POM121C: variants seen among roughly 807,000 people sequenced by gnomAD.
POM121C encodes nuclear envelope pore membrane protein POM 121C.
In POM121C, 20 loss-of-function variants were observed where a neutral mutation model predicts 66.4. The observed-to-expected ratio is 0.30, with a 90% CI of 0.21 to 0.44. The LOEUF (loss-of-function observed/expected upper bound fraction) is 0.44. POM121C is among the 20% of genes least tolerant of loss of function. The pLI, the probability that POM121C is intolerant of heterozygous loss-of-function variation, is 1.00. For missense variants in POM121C, 580 were observed against 1,225.7 expected (o/e 0.47, Z 7.87); for synonymous variants, 286 against 528.0 (o/e 0.54, Z 6.28).
chr7:75,428,703 G>C (rs1790055341), intron 7 of POM121C, among the ~76,000 whole-genome samples: 1 of 152,192 alleles, frequency 6.6e-6, no homozygotes. Flanking sequence ...AAAGGGGCCG[G>C]ATGAGGTGGC....
chr7:75,437,952 C>A (rs1790477681), intron 6 of POM121C, among the ~76,000 whole-genome samples: 1 of 152,062 alleles, frequency 6.6e-6, no homozygotes, highest in Non-Finnish European at 1.5e-5. Context: ...TGCCTGGGGA[C>A]ACGGGTGGAA....
At chr7:75,439,472 G>A (rs1563144217) in intron 5 of POM121C, among the ~76,000 whole-genome samples, 1 of 152,014 alleles carries the variant, frequency 6.6e-6, no homozygotes, top group Admixed American at 6.5e-5. Context: ...ACAAACCTCT[G>A]CCTCCCGGGT....
rs587661711 is a variant in POM121C, at chr7:75,453,353, C to G, written c.-151-11706G>C. Among the ~76,000 whole-genome samples, 7 of 150,750 alleles carry G rather than the reference C, an allele frequency of 4.6e-5. No homozygotes were observed. In the South Asian group the frequency reaches 1.1e-3, roughly 23 times the overall value. On this transcript the variant is annotated intron_variant, in intron 3 of 14. Coordinates refer to ENST00000615331, the MANE Select transcript of POM121C (RefSeq NM_001099415.3). The stretch of plus-strand genomic sequence containing the variant: ...ATCTCAGCACTTTGGGAGGCTGAGG[C>G]AGGCGGATCACCTGAGGTCCGGAGT...
At position 75,481,159 on chromosome 7, in the gene POM121C, C is replaced by G. The variant is rs587709139; in HGVS notation, c.-458+4705G>C. Among the ~76,000 whole-genome samples the G allele has an allele frequency of 9.4e-5, 14 of 149,612 alleles. No individual in the cohort carries two copies. In the East Asian group the frequency reaches 2.5e-3, roughly 27 times the overall value. On this transcript the variant is annotated intron_variant, in intron 1 of 14. Transcript: ENST00000615331. ...GTATCTGGGATTTCTTTGTAAAATC[C>G]TTGCAATTTTTCTGAAAATCTGAAA... is the stretch of plus-strand genomic sequence containing the variant.
intron 1 of POM121C, among the ~76,000 whole-genome samples, chr7:75,481,030 A>AATATATATATATATATATATAAATAT (rs201637708): frequency 2.9e-5 from 4 of 137,026 alleles, no homozygotes; most frequent in African/African-American, 1.0e-4. Flanking sequence ...TAGTTCAAAA[A>AATATATATATATATATATATAAATAT]ATATATATAT....
chr7:75,460,665 T>TA (rs1791412735), intron 3 of POM121C, among the ~76,000 whole-genome samples: 1 of 152,156 alleles, frequency 6.6e-6, no homozygotes, highest in South Asian at 2.1e-4. Flanking sequence ...GAGACATACT[T>TA]AAACAATGAA....
In POM121C at chr7:75,421,934, G is replaced by C. The variant is rs781917139; in HGVS notation, c.2318C>G (p.Ser773Trp). The change falls in exon 13 of 15, where the codon TCG (serine) becomes TGG (tryptophan). Residue 773 changes from serine to tryptophan, a missense_variant. Transcript: ENST00000615331. ...AGCCGTGGCTTTCAATCCAAACGCC[G>C]AGTGCGTGGCACCGCCAAAGGTAGG... ...IQPTFGGATHSAFGLKATASA... is the reference protein window; with the variant it reads ...IQPTFGGATHWAFGLKATASA... The C allele has an allele frequency of 5.6e-6, 9 of 1,613,370 alleles. No homozygotes were observed. Among genetic ancestry groups the C allele is most frequent in the African/African-American group, 1.3e-5 (1 of 74,958 alleles).
rs1247351833 is a variant in POM121C, at chr7:75,442,590, G to C, written c.-151-943C>G. ...GCAGCAGGCACGAGGTACAGTAGGA[G>C]GCCGACCAGCGACAGGCCGAGAAGC... On this transcript the variant is annotated intron_variant, in intron 3 of 14. Transcript: ENST00000615331. 5.4e-6 allele frequency: 8 copies of C among 1,492,786 alleles called. No homozygotes were observed. In the African/African-American group the frequency reaches 1.0e-4, roughly 19 times the overall value. The allele number at this position is 1,492,786 out of a possible 1,614,324, so 92.5% of individuals were successfully genotyped here.
intron 3 of POM121C, among the ~76,000 whole-genome samples, chr7:75,461,284 A>T (rs587723575): frequency 6.6e-6 from 1 of 152,138 alleles, no homozygotes; most frequent in Non-Finnish European, 1.5e-5. Context: ...AAATCAGCAA[A>T]CAATACAATA....
intron 3 of POM121C, among the ~76,000 whole-genome samples, chr7:75,451,279 T>A (rs1791012788): frequency 6.7e-6 from 1 of 149,604 alleles, no homozygotes; most frequent in Non-Finnish European, 1.5e-5. Flanking sequence ...CAAACTACAC[T>A]ACAAGGCTAC....
chr7:75,441,364 C>T (rs61091455), intron 4 of POM121C, 68 bp downstream of exon 4: 273,450 of 1,249,702 alleles, frequency 0.22, 39,984 homozygotes, highest in African/African-American at 0.44. Flanking sequence ...CATGTTGTCA[C>T]AGGAACAACT....
intron 3 of POM121C, among the ~76,000 whole-genome samples, chr7:75,450,734 G>A (rs1714495383): frequency 6.6e-6 from 1 of 152,224 alleles, no homozygotes; most frequent in African/African-American, 2.4e-5. Context: ...TACTACTACA[G>A]CCTTCAATGA....
chr7:75,464,972 T>C (rs1397353268), intron 3 of POM121C, among the ~76,000 whole-genome samples: 1 of 149,362 alleles, frequency 6.7e-6, no homozygotes, highest in African/African-American at 2.5e-5. Context: ...TGAAGACAGG[T>C]AGATGAAACT....
chr7:75,465,291 A>G (rs1791587930), intron 3 of POM121C, among the ~76,000 whole-genome samples: 1 of 150,848 alleles, frequency 6.6e-6, no homozygotes, highest in Non-Finnish European at 1.5e-5. Flanking sequence ...CACCGTGCCC[A>G]GCCTGAATTG....
At chr7:75,442,081 G>A in intron 3 of POM121C, 1 of 1,358,660 alleles carries the variant, frequency 7.4e-7, no homozygotes, top group South Asian at 1.7e-5. Flanking sequence ...GGATTTAAAA[G>A]TCAAGTCCTC....
rs776654031 is a variant in POM121C, at chr7:75,467,316, G to A, written c.-152+7388C>T. 1.6e-3 allele frequency among the ~76,000 whole-genome samples: 245 copies of A among 152,048 alleles called. 2 individuals carry two copies. Among genetic ancestry groups the A allele is most frequent in the Non-Finnish European group, 1.2e-3 (80 of 68,012 alleles). On this transcript the variant is annotated intron_variant, in intron 3 of 14. Coordinates refer to ENST00000615331, the MANE Select transcript of POM121C (RefSeq NM_001099415.3). ...GGAGGCTGAGGTGGGTGGATCACGA[G>A]GTCAGGAGATTGAGACCATCCTGGC...
chr7:75,424,358 G>C, intron 11 of POM121C, 133 bp from the exon 12 acceptor site: 1 of 1,181,772 alleles, frequency 8.5e-7, no homozygotes, highest in African/African-American at 1.5e-5. Context: ...CTGCTGTCCA[G>C]TTCCCGTGAA....
chr7:75,466,109 G>T (rs1791636947), intron 3 of POM121C, among the ~76,000 whole-genome samples: 1 of 150,338 alleles, frequency 6.7e-6, no homozygotes. Context: ...GGGCAACAAA[G>T]GGAGATGCCA....
At chr7:75,476,510 T>C (rs1168455894) in intron 1 of POM121C, among the ~76,000 whole-genome samples, 2 of 152,068 alleles carry the variant, frequency 1.3e-5, no homozygotes, top group African/African-American at 4.8e-5. Flanking sequence ...TAGGACCATG[T>C]AGATCCCAAG....
Sources: allele counts gnomAD v4.1 joint callset (sites outside exome capture counted in the v4.1 genomes callset), GRCh38; gene constraint gnomAD v4.1.1; transcripts MANE v1.5; gene names NCBI Gene and HGNC (gene_info 2026-07-23, HGNC 2026-07-21).